The following ZNF227 variants were observed in gnomAD, a reference collection of about 807,000 sequenced individuals.
ZNF227 encodes the protein zinc finger protein 227.
ZNF227 carries 12 observed loss-of-function variants against 13.2 expected under a neutral mutation model. The observed-to-expected ratio is 0.91, with a 90% confidence interval of 0.58 to 1.47. The LOEUF (loss-of-function observed/expected upper bound fraction) is 1.47. Among genes scored for constraint, ZNF227 ranks in the 40% most tolerant of loss-of-function variants. The pLI, the probability that ZNF227 is intolerant of heterozygous loss-of-function variation, is 0.00. For synonymous variants in ZNF227, 338 were observed against 326.0 expected, an observed-to-expected ratio of 1.04 and a Z score of -0.40; for missense variants, 885 against 967.5, an observed-to-expected ratio of 0.91 and a Z score of 1.13.
Position 44,234,736 on chromosome 19 carries a change from A to G in ZNF227, c.306A>G (p.Gln102=). Residue 102 remains glutamine (Q), a synonymous_variant, in exon 6 of 6, where the codon CAA becomes CAG. Transcript: ENST00000313040. ...SKHQNKMETL[Q]KFALKYLSNQ... is the part of the protein sequence containing the mutation. ...ATCAAAATAAGATGGAAACACTCCA[A>G]AAATTTGCATTAAAATACCTTTCAA... 1 of 1,598,692 alleles carries G rather than the reference A, an allele frequency of 6.3e-7. No homozygotes were observed. The highest frequency in any genetic ancestry group is 1.4e-5 in the African/African-American group (1 of 73,954).
chr19:44,215,426 G>A (rs950051174), intron 2 of ZNF227, among the ~76,000 whole-genome samples: 6 of 149,216 alleles, frequency 4.0e-5, no homozygotes, highest in Admixed American at 2.7e-4. Context: ...TTATGTTTTC[G>A]TAGTGTCTTT....
intron 5 of ZNF227, among the ~76,000 whole-genome samples, chr19:44,232,734 CT>C (rs904931725): frequency 4.6e-5 from 7 of 151,406 alleles, no homozygotes; most frequent in African/African-American, 1.7e-4. Flanking sequence ...GTGGTGCAAT[CT>C]TGGCTCACTG....
chr19:44,215,954 C>A (rs1191486312), intron 2 of ZNF227, among the ~76,000 whole-genome samples: 1 of 138,428 alleles, frequency 7.2e-6, no homozygotes, highest in Admixed American at 7.9e-5. Flanking sequence ...TGCCATTGCA[C>A]TCCAGCCTGG....
At chr19:44,215,261 G>C (rs1418368983) in intron 2 of ZNF227, among the ~76,000 whole-genome samples, 5 of 151,142 alleles carry the variant, frequency 3.3e-5, no homozygotes, top group Non-Finnish European at 7.4e-5. Context: ...CTGCCTCCCG[G>C]GTTCAAGCGA....
chr19:44,235,715 G>A lies in ZNF227; in HGVS notation c.1285G>A (p.Val429Ile), dbSNP rs1455175427. The stretch of plus-strand genomic sequence containing the variant: ...TGCACATTTTCACATCCATCAGAGA[G>A]TCCACACTGGAGAGAAACCCTACAA... ...QAAHFHIHQR[V>I]HTGEKPYKCD... Residue 429 changes from valine (V) to isoleucine (I), a missense_variant, in exon 6 of 6, where the codon GTC becomes ATC. Coordinates refer to ENST00000313040, the MANE Select transcript of ZNF227 (RefSeq NM_182490.3). The A allele has an allele frequency of 6.8e-6, 11 of 1,614,010 alleles. No individual in the cohort carries two copies. The East Asian group carries it at 2.2e-4, about 33-fold the overall frequency.
At chr19:44,215,291 C>G (rs537534747) in intron 2 of ZNF227, among the ~76,000 whole-genome samples, 54 of 151,814 alleles carry the variant, frequency 3.6e-4, no homozygotes, top group Non-Finnish European at 5.9e-4. Context: ...CTCAGCCTCC[C>G]GAGTAGCTGA....
Position 44,236,103 on chromosome 19 carries a change from G to T in ZNF227, c.1673G>T (p.Ser558Ile). The T allele has an allele frequency of 6.2e-7, 1 of 1,614,120 alleles. No individual in the cohort carries two copies. The highest frequency in any genetic ancestry group is 1.6e-4 in the Middle Eastern group (1 of 6,062). ...TGTGATGTGTGTGGTAAGGACTTCA[G>T]TTATAGTTCAAATCTTAAACTACAC... is the stretch of plus-strand genomic sequence containing the variant. ...YRCDVCGKDF[S>I]YSSNLKLHQV... is the part of the protein sequence containing the mutation. The change falls in exon 6 of 6, where the codon AGT becomes ATT. Residue 558 changes from serine to isoleucine, a missense_variant. Ser to Ile is a moderately radical substitution (Grantham distance 142). Coordinates refer to ENST00000313040, the MANE Select transcript of ZNF227 (RefSeq NM_182490.3).
chr19:44,217,633 A>G (rs762839104), intron 2 of ZNF227, 158 bp from the exon 3 acceptor site: 4 of 832,830 alleles, frequency 4.8e-6, no homozygotes, highest in African/African-American at 3.3e-5. Flanking sequence ...GCACTGAACT[A>G]TCATGCCATT....
rs753090708 is a variant in ZNF227, at chr19:44,236,085, T to G, written c.1655T>G (p.Val552Gly). ...HTGEKPYRCD[V>G]CGKDFSYSSN... ...GGAGAGAAACCATATAGATGTGATG[T>G]GTGTGGTAAGGACTTCAGTTATAGT... The change falls in exon 6 of 6, where the codon GTG becomes GGG. Residue 552 changes from valine to glycine, a missense_variant. Physicochemically the swap from Val to Gly is moderately radical, Grantham distance 109. Coordinates refer to ENST00000313040, the MANE Select transcript of ZNF227 (RefSeq NM_182490.3). 2 of 1,613,880 alleles carry G rather than the reference T, an allele frequency of 1.2e-6. No homozygotes were observed. Among genetic ancestry groups the G allele is most frequent in the Non-Finnish European group, 1.7e-6 (2 of 1,179,944 alleles).
chr19:44,221,034 A>AT (rs1972448914), intron 3 of ZNF227, among the ~76,000 whole-genome samples: 1 of 150,170 alleles, frequency 6.7e-6, no homozygotes, highest in Non-Finnish European at 1.5e-5. Flanking sequence ...TATGTGCCAC[A>AT]TTTTCTTAAT....
chr19:44,235,400 T>C lies in ZNF227; in HGVS notation c.970T>C (p.Tyr324His), dbSNP rs1568617110. 1 of 1,614,166 alleles carries C rather than the reference T, an allele frequency of 6.2e-7. No homozygotes were observed. The highest frequency in any genetic ancestry group is 8.5e-7 in the Non-Finnish European group (1 of 1,180,016). ...YQSNHTGEKS[Y>H]RCDSCGKGFS... ...ATCTAATCATACAGGAGAGAAGTCT[T>C]ATAGATGCGACAGTTGCGGCAAGGG... Residue 324 changes from tyrosine (Y) to histidine (H), a missense_variant, in exon 6 of 6, where the codon TAT (tyrosine) becomes CAT (histidine). Coordinates refer to ENST00000313040, the MANE Select transcript of ZNF227 (RefSeq NM_182490.3).
intron 3 of ZNF227, among the ~76,000 whole-genome samples, chr19:44,222,355 G>A (rs1284282149): frequency 1.3e-5 from 2 of 151,982 alleles, no homozygotes; most frequent in Non-Finnish European, 1.5e-5. Context: ...ACCTTGGGCA[G>A]TATGGACATT....
chr19:44,220,109 C>A (rs955840100), intron 3 of ZNF227, among the ~76,000 whole-genome samples: 2 of 152,120 alleles, frequency 1.3e-5, no homozygotes, highest in African/African-American at 4.8e-5. Flanking sequence ...AGGACATGAA[C>A]TCATCCTTTT....
intron 3 of ZNF227, 72 bp downstream of exon 3, chr19:44,217,924 CTTTCTT>C: frequency 3.2e-6 from 5 of 1,566,654 alleles, no homozygotes; most frequent in Non-Finnish European, 4.4e-6. Flanking sequence ...TATTTTTTCT[CTTTCTT>C]GGAAAGGTTA....
chr19:44,214,432 G>A (rs1394309676), intron 2 of ZNF227, among the ~76,000 whole-genome samples: 1 of 151,078 alleles, frequency 6.6e-6, no homozygotes, highest in East Asian at 1.9e-4. Context: ...AGGCTGGAGT[G>A]CAGTGGCGTG....
intron 3 of ZNF227, among the ~76,000 whole-genome samples, chr19:44,225,100 C>G (rs1177394835): frequency 6.6e-6 from 1 of 152,028 alleles, no homozygotes; most frequent in Non-Finnish European, 1.5e-5. Context: ...TTGGCCCCCA[C>G]TCTCTTCTGG....
At position 44,235,493 on chromosome 19, in the gene ZNF227, G is replaced by A. The variant is rs533916984; in HGVS notation, c.1063G>A (p.Glu355Lys). ...TACTGGAGAGAAACCCTATAAATGC[G>A]AGGAATGTGGTAAATGCTTTAGTCA... Reference protein sequence around the residue: ...THTGEKPYKCEECGKCFSQSS... With the variant: ...THTGEKPYKCKECGKCFSQSS... Residue 355 changes from glutamate to lysine, a missense_variant, in exon 6 of 6, where the codon GAG becomes AAG. Glu to Lys is a moderately conservative substitution (Grantham distance 56). Transcript: ENST00000313040. 9.9e-6 allele frequency: 16 copies of A among 1,614,070 alleles called. No individual in the cohort carries two copies. The highest frequency in any genetic ancestry group is 8.9e-5 in the East Asian group (4 of 44,876).
intron 5 of ZNF227, among the ~76,000 whole-genome samples, chr19:44,230,926 A>AATATATATAT (rs58952117): frequency 6.0e-4 from 41 of 68,058 alleles, no homozygotes; most frequent in African/African-American, 2.8e-3. Flanking sequence ...AAAAAAAAAA[A>AATATATATAT]ATATATATAT....
intron 5 of ZNF227, among the ~76,000 whole-genome samples, chr19:44,233,940 A>G (rs968755027): frequency 1.3e-5 from 2 of 152,090 alleles, no homozygotes; most frequent in African/African-American, 2.4e-5. Context: ...TTATTTTTAC[A>G]TCGTGTGTTA....
Sources: gnomAD v4.1 joint callset for allele counts (sites outside exome capture counted in the v4.1 genomes callset) on GRCh38, gnomAD v4.1.1 for gene constraint, MANE v1.5 for transcripts, NCBI Gene and HGNC (gene_info 2026-07-23, HGNC 2026-07-21) for gene names.